The following KIF16B variants were observed in gnomAD, a reference collection of about 807,000 sequenced individuals.
KIF16B encodes the protein kinesin-like protein KIF16B.
In KIF16B, 98 loss-of-function variants were observed where a neutral mutation model predicts 156.3. That is an observed-to-expected ratio of 0.63 (90% confidence interval 0.53 to 0.74). The LOEUF is 0.74. Ranked by LOEUF, KIF16B falls within the 30% of genes least tolerant of loss-of-function variation. KIF16B has a pLI of 0.00. For missense variants in KIF16B, 1,421 were observed against 1,606.5 expected, an observed-to-expected ratio of 0.88 and a Z score of 1.97; for synonymous variants, 564 against 583.7, an observed-to-expected ratio of 0.97 and a Z score of 0.49.
At chr20:16,468,712 G>A (rs75613432) in intron 12 of KIF16B, among the ~76,000 whole-genome samples, 1,653 of 150,724 alleles carry the variant, frequency 0.011, 10 homozygotes, top group Middle Eastern at 0.021. Context: ...AGAGCTGAAA[G>A]AACAAATAAA....
At chr20:16,440,163 A>G (rs1428419295) in intron 12 of KIF16B, among the ~76,000 whole-genome samples, 1 of 152,144 alleles carries the variant, frequency 6.6e-6, no homozygotes, top group Admixed American at 6.6e-5. Flanking sequence ...TGTCAATCCC[A>G]GAGAAGGAGA....
At chr20:16,501,767 T>C (rs1332947178) in intron 10 of KIF16B, among the ~76,000 whole-genome samples, 1 of 152,166 alleles carries the variant, frequency 6.6e-6, no homozygotes, top group Non-Finnish European at 1.5e-5. Context: ...TTTTTCATTA[T>C]TTCATTTATA....
chr20:16,513,836 A>AT (rs762350891), intron 4 of KIF16B, among the ~76,000 whole-genome samples: 4 of 152,168 alleles, frequency 2.6e-5, no homozygotes, highest in Non-Finnish European at 5.9e-5. Flanking sequence ...GAACCTCAGA[A>AT]TATAGTAAAA....
intron 12 of KIF16B, among the ~76,000 whole-genome samples, chr20:16,481,907 C>T (rs1213441354): frequency 2.0e-5 from 3 of 152,194 alleles, no homozygotes; most frequent in South Asian, 4.1e-4. Flanking sequence ...CTAGACACCA[C>T]TGTCAGCACT....
intron 12 of KIF16B, among the ~76,000 whole-genome samples, chr20:16,464,158 T>C (rs1336453750): frequency 2.0e-5 from 3 of 152,300 alleles, no homozygotes; most frequent in Non-Finnish European, 4.4e-5. Context: ...TGTGTGCCAC[T>C]AATAATTATA....
chr20:16,524,363 A>T (rs1297743516), intron 3 of KIF16B, among the ~76,000 whole-genome samples: 11 of 152,378 alleles, frequency 7.2e-5, no homozygotes, highest in African/African-American at 1.7e-4. Flanking sequence ...AAGTGGGCAA[A>T]GGATATGAAC....
intron 1 of KIF16B, among the ~76,000 whole-genome samples, chr20:16,547,570 C>T (rs1324992247): frequency 1.3e-5 from 2 of 152,106 alleles, no homozygotes; most frequent in East Asian, 3.9e-4. Flanking sequence ...AGTGCCTCCA[C>T]GACCTCAGCT....
intron 24 of KIF16B, among the ~76,000 whole-genome samples, chr20:16,318,779 A>C (rs13044167): frequency 0.036 from 5,418 of 152,326 alleles, 108 homozygotes; most frequent in African/African-American, 0.045. Context: ...TCAACTATCA[A>C]TTCAGAATAA....
intron 3 of KIF16B, among the ~76,000 whole-genome samples, chr20:16,524,882 C>T (rs547540495): frequency 2.0e-5 from 3 of 152,178 alleles, no homozygotes; most frequent in African/African-American, 4.8e-5. Context: ...TGCAGGGACT[C>T]GGATGAAGCT....
At position 16,301,132 on chromosome 20, in the gene KIF16B, C is replaced by T. The variant is rs56328594; in HGVS notation, c.3795+11203G>A. Among the ~76,000 whole-genome samples the T allele has an allele frequency of 3.6e-3, 554 of 152,304 alleles. 4 individuals carry two copies. Among genetic ancestry groups the T allele is most frequent in the Middle Eastern group, 0.027 (8 of 294 alleles). ...CTTCTTCTACTTAGTAATATGCATT[C>T]AATGTTCTGCCAAAATCTCTTCATG... is the stretch of plus-strand genomic sequence containing the variant. On this transcript the variant is annotated intron_variant, in intron 25 of 25. Transcript: ENST00000354981.
At chr20:16,499,166 A>C (rs959120299) in intron 10 of KIF16B, among the ~76,000 whole-genome samples, 3 of 152,166 alleles carry the variant, frequency 2.0e-5, no homozygotes, top group Non-Finnish European at 4.4e-5. Context: ...CCTGGTTAGA[A>C]GCCCACACCC....
chr20:16,303,948 A>G (rs1028643705), intron 25 of KIF16B, among the ~76,000 whole-genome samples: 4 of 152,200 alleles, frequency 2.6e-5, no homozygotes, highest in Non-Finnish European at 5.9e-5. Flanking sequence ...CACGATCAGT[A>G]AAGAAATGAA....
chr20:16,308,101 C>A (rs2063567372), intron 25 of KIF16B, among the ~76,000 whole-genome samples: 1 of 151,722 alleles, frequency 6.6e-6, no homozygotes. Context: ...AACAATGTGA[C>A]ATCTCATAAA....
intron 1 of KIF16B, among the ~76,000 whole-genome samples, chr20:16,551,233 C>A (rs886558453): frequency 6.6e-6 from 1 of 151,260 alleles, no homozygotes; most frequent in African/African-American, 2.4e-5. Flanking sequence ...CTGGTTCAAG[C>A]AATTCTCCTG....
chr20:16,494,335 T>C lies in KIF16B; in HGVS notation c.1258A>G (p.Lys420Glu), dbSNP rs1308922797. 6.2e-7 allele frequency: 1 copy of C among 1,600,042 alleles called. No homozygotes were observed. Among genetic ancestry groups the C allele is most frequent in the Non-Finnish European group, 8.5e-7 (1 of 1,172,014 alleles). Residue 420 changes from lysine (K) to glutamate (E), a missense_variant, in exon 12 of 26, where the codon AAG becomes GAG. Coordinates refer to ENST00000354981, the MANE Select transcript of KIF16B (RefSeq NM_024704.5). ...TCATTCCACTTATTTGTCCATTCCT[T>C]GGTCAATTCTTGAACCTGAAAAGAA... is the stretch of plus-strand genomic sequence containing the variant. Reference protein sequence around the residue: ...QNEARVQELTKEWTNKWNETQ... With the variant: ...QNEARVQELTEEWTNKWNETQ...
In KIF16B at chr20:16,377,461, GGGGT is replaced by G. The variant is rs546343396; in HGVS notation, c.3197+1340_3197+1343del. On this transcript the variant is annotated intron_variant, in intron 19 of 25. Transcript: ENST00000354981. ...TAGCCAGGCATGGTAGTATGCACCT[GGGGT>G]CCCAGCCACTTGGGTGGCTGGGGCA... 1.7e-4 allele frequency among the ~76,000 whole-genome samples: 25 copies of G among 150,316 alleles called. No individual in the cohort carries two copies. The South Asian group carries it at 5.0e-3, about 30-fold the overall frequency.
chr20:16,451,454 C>G (rs2067078381), intron 12 of KIF16B, among the ~76,000 whole-genome samples: 1 of 151,806 alleles, frequency 6.6e-6, no homozygotes, highest in South Asian at 2.1e-4. Context: ...CCCAAAACAG[C>G]ACTCCTAAGT....
At chr20:16,452,205 C>T (rs553870469) in intron 12 of KIF16B, among the ~76,000 whole-genome samples, 6 of 152,162 alleles carry the variant, frequency 3.9e-5, no homozygotes, top group African/African-American at 9.6e-5. Context: ...CAGACAGAAA[C>T]GTCATGGAAA....
At chr20:16,455,966 A>G (rs747871668) in intron 12 of KIF16B, among the ~76,000 whole-genome samples, 1 of 152,194 alleles carries the variant, frequency 6.6e-6, no homozygotes, top group Non-Finnish European at 1.5e-5. Flanking sequence ...TCACAGAGCC[A>G]CACCAACCTG....
Sources: allele counts gnomAD v4.1 joint callset (sites outside exome capture counted in the v4.1 genomes callset), GRCh38; gene constraint gnomAD v4.1.1; transcripts MANE v1.5; gene names NCBI Gene and HGNC (gene_info 2026-07-23, HGNC 2026-07-21).